The following PTCHD4 variants were observed in gnomAD, a reference collection of about 807,000 sequenced individuals.
PTCHD4 encodes patched domain-containing protein 4.
PTCHD4 carries 33 observed loss-of-function variants against 58.1 expected under a neutral mutation model. The observed-to-expected ratio is 0.57, with a 90% CI of 0.43 to 0.76. The LOEUF (loss-of-function observed/expected upper bound fraction) is 0.76, where lower values mean the gene tolerates loss of function less well. Ranked by LOEUF, PTCHD4 falls within the 30% of genes least tolerant of loss-of-function variation. The pLI is 0.00. For synonymous variants in PTCHD4, 478 were observed against 409.6 expected, an observed-to-expected ratio of 1.17 and a Z score of -2.02; for missense variants, 1,058 against 1,027.1, an observed-to-expected ratio of 1.03 and a Z score of -0.41.
At chr6:47,925,695 G>C (rs1392624757) in intron 4 of PTCHD4, among the ~76,000 whole-genome samples, 1 of 152,192 alleles carries the variant, frequency 6.6e-6, no homozygotes, top group Middle Eastern at 3.2e-3. Flanking sequence ...GACTTTCTTT[G>C]TTGGCTTGCT....
At chr6:47,892,951 A>C (rs574607584) in intron 4 of PTCHD4, among the ~76,000 whole-genome samples, 85 of 152,344 alleles carry the variant, frequency 5.6e-4, no homozygotes, top group African/African-American at 2.0e-3. Context: ...ATAGTCATTA[A>C]ATTAATCAAC....
intron 4 of PTCHD4, among the ~76,000 whole-genome samples, chr6:47,985,712 G>C (rs1457893173): frequency 6.6e-6 from 1 of 150,736 alleles, no homozygotes; most frequent in Admixed American, 6.6e-5. Context: ...GGAAAGAAAG[G>C]TTGTCATTTC....
At chr6:47,964,325 T>C (rs1264676144) in intron 4 of PTCHD4, among the ~76,000 whole-genome samples, 1 of 151,740 alleles carries the variant, frequency 6.6e-6, no homozygotes, top group African/African-American at 2.4e-5. Context: ...ATTACCACAT[T>C]TTTTTTTAAA....
intron 4 of PTCHD4, among the ~76,000 whole-genome samples, chr6:47,897,221 A>G (rs1764552828): frequency 6.6e-6 from 1 of 152,144 alleles, no homozygotes; most frequent in Admixed American, 6.5e-5. Flanking sequence ...TTCTCCAAGC[A>G]CTGGGAACTG....
At chr6:48,109,174 T>G (rs1202161970) in intron 1 of PTCHD4, among the ~76,000 whole-genome samples, 1 of 152,126 alleles carries the variant, frequency 6.6e-6, no homozygotes, top group Non-Finnish European at 1.5e-5. Flanking sequence ...AATCATCTTG[T>G]AAGGGACTTA....
intron 1 of PTCHD4, among the ~76,000 whole-genome samples, chr6:48,092,282 A>C (rs1313898907): frequency 6.6e-6 from 1 of 152,240 alleles, no homozygotes; most frequent in Non-Finnish European, 1.5e-5. Context: ...GTGTGGAAGA[A>C]TTCATAACAG....
intron 4 of PTCHD4, among the ~76,000 whole-genome samples, chr6:47,883,674 C>T (rs968219634): frequency 2.0e-5 from 3 of 152,064 alleles, no homozygotes; most frequent in African/African-American, 4.8e-5. Flanking sequence ...CCCAACTGGG[C>T]ACTATTGACA....
At chr6:48,059,612 TG>T (rs1228002113) in intron 3 of PTCHD4, among the ~76,000 whole-genome samples, 10 of 151,968 alleles carry the variant, frequency 6.6e-5, no homozygotes, top group Middle Eastern at 3.4e-3. Context: ...GCACTCAGTC[TG>T]GGCGACAGAG....
rs961248937 is a variant in PTCHD4, at chr6:47,856,691, T to A, written c.*21612A>T. ...ACATTCATTTTCTTTGACAAAACTT[T>A]AATTAGAAAACCAGACTCCTCTGAT... is the stretch of plus-strand genomic sequence containing the variant. On this transcript the variant is annotated 3_prime_UTR_variant, in exon 5 of 5. Transcript: ENST00000339488. 6.6e-6 allele frequency among the ~76,000 whole-genome samples: 1 copy of A among 152,056 alleles called. No individual in the cohort carries two copies. Among genetic ancestry groups the A allele is most frequent in the African/African-American group, 2.4e-5 (1 of 41,426 alleles).
At chr6:48,063,483 G>A (rs114345613) in intron 3 of PTCHD4, among the ~76,000 whole-genome samples, 277 of 152,238 alleles carry the variant, frequency 1.8e-3, no homozygotes, top group African/African-American at 6.5e-3. Flanking sequence ...GGATGTCATG[G>A]GATCTAATAT....
At chr6:47,940,659 T>C (rs1439499328) in intron 4 of PTCHD4, among the ~76,000 whole-genome samples, 1 of 152,212 alleles carries the variant, frequency 6.6e-6, no homozygotes, top group Non-Finnish European at 1.5e-5. Flanking sequence ...CACCACTTAC[T>C]GTGCTTATTT....
chr6:48,093,899 G>A (rs1268858770), intron 1 of PTCHD4, among the ~76,000 whole-genome samples: 1 of 152,160 alleles, frequency 6.6e-6, no homozygotes, highest in Non-Finnish European at 1.5e-5. Context: ...ACCATCCCAT[G>A]AGGGCAAGGC....
rs1554150031 is a variant in PTCHD4 at position 47,889,505 on chromosome 6, GT to G, written c.899-9570del. Among the ~76,000 whole-genome samples, 4 of 151,810 alleles carry G rather than the reference GT, an allele frequency of 2.6e-5. No homozygotes were observed. The South Asian group carries it at 6.2e-4, about 24-fold the overall frequency. On this transcript the variant is annotated intron_variant, in intron 4 of 4. Transcript: ENST00000339488. ...CCTTCACCCACTTTTTGATGGGGTT[GT>G]TTTTTTCTTGTAAATTTGTTTGAGT...
At position 48,069,773 on chromosome 6, in the gene PTCHD4, G is replaced by GA; in HGVS notation, c.-817dup. On this transcript the variant is annotated 5_prime_UTR_variant, in exon 2 of 5. The change creates a premature stop within an existing upstream ORF in the 5' untranslated region. Coordinates refer to ENST00000339488, the MANE Select transcript of PTCHD4 (RefSeq NM_001384253.1). ...TCTGTATTCTTGAGATTAAAGGACA[G>GA]AAAGTTCCTAAAGCTGATTTCAGTC... is the stretch of plus-strand genomic sequence containing the variant. Among the ~76,000 whole-genome samples the GA allele has an allele frequency of 6.6e-6, 1 of 152,268 alleles. No individual in the cohort carries two copies. Among genetic ancestry groups the GA allele is most frequent in the East Asian group, 1.9e-4 (1 of 5,178 alleles).
intron 4 of PTCHD4, among the ~76,000 whole-genome samples, chr6:47,923,612 T>G: frequency 6.6e-6 from 1 of 152,214 alleles, no homozygotes; most frequent in Non-Finnish European, 1.5e-5. Context: ...TTCATTTGAT[T>G]TCTTTTCTTG....
intron 3 of PTCHD4, among the ~76,000 whole-genome samples, chr6:48,036,664 G>C (rs1582057289): frequency 6.6e-6 from 1 of 152,054 alleles, no homozygotes; most frequent in Non-Finnish European, 1.5e-5. Flanking sequence ...CACAAGAGTA[G>C]GGATGCTGGC....
intron 4 of PTCHD4, among the ~76,000 whole-genome samples, chr6:47,882,687 A>G (rs1186868481): frequency 7.0e-6 from 1 of 142,388 alleles, no homozygotes; most frequent in African/African-American, 2.5e-5. Context: ...TTGGTCTGTT[A>G]AGGGTCAGTT....
At chr6:48,012,139 T>G (rs1174206084) in intron 3 of PTCHD4, among the ~76,000 whole-genome samples, 1 of 152,252 alleles carries the variant, frequency 6.6e-6, no homozygotes, top group Non-Finnish European at 1.5e-5. Flanking sequence ...GGAATAGCAT[T>G]GAATCTATAA....
intron 4 of PTCHD4, among the ~76,000 whole-genome samples, chr6:47,979,535 C>CT (rs563618287): frequency 6.6e-6 from 1 of 151,854 alleles, no homozygotes; most frequent in South Asian, 2.1e-4. Context: ...ATTCTTTCAG[C>CT]TTTTTTGGTT....
Sources: allele counts gnomAD v4.1 joint callset (sites outside exome capture counted in the v4.1 genomes callset), GRCh38; gene constraint gnomAD v4.1.1; transcripts MANE v1.5; gene names NCBI Gene and HGNC (gene_info 2026-07-23, HGNC 2026-07-21).